Variants in KPNB1 observed in about 807,000 individuals in gnomAD.
The protein encoded by KPNB1 is karyopherin subunit beta 1.
In KPNB1, 7 loss-of-function variants were observed where a neutral mutation model predicts 113.0. That is an observed-to-expected ratio of 0.06 (90% CI 0.04 to 0.12). The LOEUF (loss-of-function observed/expected upper bound fraction) is 0.12. KPNB1 is among the 10% of genes least tolerant of loss of function. The pLI is 1.00. For synonymous variants in KPNB1, 363 were observed against 378.6 expected, an observed-to-expected ratio of 0.96 and a Z score of 0.48; for missense variants, 400 against 1,054.8, an observed-to-expected ratio of 0.38 and a Z score of 8.60.
Position 47,674,799 on chromosome 17 carries a change from G to C in KPNB1, c.1912+17G>C. 1.9e-6 allele frequency: 3 copies of C among 1,601,772 alleles called. No homozygotes were observed. Among genetic ancestry groups the C allele is most frequent in the Non-Finnish European group, 2.6e-6 (3 of 1,174,850 alleles). On this transcript the variant is annotated intron_variant, in intron 15 of 21. Transcript: ENST00000290158. ...TGGTGGAAGGTCGGTGAGAAATACT[G>C]TCTGGTCAGGGAATGTCTTTGGAAT...
At chr17:47,653,160 G>A (rs553687371) in intron 3 of KPNB1, among the ~76,000 whole-genome samples, 1 of 152,032 alleles carries the variant, frequency 6.6e-6, no homozygotes, top group African/African-American at 2.4e-5. Flanking sequence ...GCAAATGGGA[G>A]TAGTGTACAA....
chr17:47,661,786 A>G (rs1363424904), intron 6 of KPNB1, among the ~76,000 whole-genome samples: 1 of 152,096 alleles, frequency 6.6e-6, no homozygotes, highest in African/African-American at 2.4e-5. Flanking sequence ...CATCTCTACT[A>G]AAAAATATGT....
rs1555619992 is a variant in KPNB1 at position 47,683,118 on chromosome 17, A to AAAAAAC, written c.*715_*716insAAAACA. On this transcript the variant is annotated 3_prime_UTR_variant, in exon 22 of 22. Coordinates refer to ENST00000290158, the MANE Select transcript of KPNB1 (RefSeq NM_002265.6). Reference sequence around the variant, plus strand: ...AAAAAAAAAAAAAAAAAAAAAAAAAAACACACACACAGAGGAAAGACGCTC... The same window carrying AAAAAAC: ...AAAAAAAAAAAAAAAAAAAAAAAAAAAAAAACACACACACACAGAGGAAAGACGCTC... 2 of 143,214 alleles carry AAAAAAC rather than the reference A, an allele frequency of 1.4e-5. No individual in the cohort carries two copies. Among genetic ancestry groups the AAAAAAC allele is most frequent in the African/African-American group, 5.3e-5 (2 of 38,062 alleles). 8.9% of individuals were successfully genotyped at this position (143,214 alleles called of 1,614,324 possible). A position where few individuals can be genotyped will look rare whatever the true frequency, so the allele number is the denominator to read the frequency against.
chr17:47,669,639 A>G, intron 10 of KPNB1, 39 bp from the exon 11 acceptor site: 1 of 1,452,238 alleles, frequency 6.9e-7, no homozygotes, highest in Non-Finnish European at 9.6e-7. Context: ...ATGAATTTTA[A>G]TCTTTGTTTT....
chr17:47,649,999 G>A lies in KPNB1; in HGVS notation c.-246G>A. 1 of 1,352,954 alleles carries A rather than the reference G, an allele frequency of 7.4e-7. No individual in the cohort carries two copies. The highest frequency in any genetic ancestry group is 9.5e-7 in the Non-Finnish European group (1 of 1,058,190). 83.8% of individuals were successfully genotyped at this position (1,352,954 alleles called of 1,614,324 possible). Reference sequence around the variant, plus strand: ...CCTCCCGAGCACCAGCGCGCTCTGAGCTGCCCCCAGGGTCCCTCCCCCGCC... The same window carrying A: ...CCTCCCGAGCACCAGCGCGCTCTGAACTGCCCCCAGGGTCCCTCCCCCGCC... On this transcript the variant is annotated 5_prime_UTR_variant, in exon 1 of 22. Transcript: ENST00000290158.
In KPNB1 at chr17:47,683,344, A is replaced by G. The variant is rs1247789301; in HGVS notation, c.*940A>G. 2.6e-5 allele frequency: 4 copies of G among 152,272 alleles called. No homozygotes were observed. Among genetic ancestry groups the G allele is most frequent in the African/African-American group, 9.7e-5 (4 of 41,366 alleles). The allele number at this position is 152,272 out of a possible 1,614,324, so 9.4% of individuals were successfully genotyped here. On this transcript the variant is annotated 3_prime_UTR_variant, in exon 22 of 22. Transcript: ENST00000290158. ...CTCTGGCGTTAGAGGATATAGAAAA[A>G]TATAAGTACAATTGTTACAAATAAC...
At chr17:47,671,256 C>A (rs2030436370) in intron 12 of KPNB1, among the ~76,000 whole-genome samples, 1 of 151,366 alleles carries the variant, frequency 6.6e-6, no homozygotes, top group Admixed American at 6.6e-5. Context: ...GAACTCGTCT[C>A]AAAAAAAAGA....
At chr17:47,666,441 T>C (rs902666337) in intron 9 of KPNB1, among the ~76,000 whole-genome samples, 8 of 144,020 alleles carry the variant, frequency 5.6e-5, no homozygotes, top group African/African-American at 2.6e-5. Flanking sequence ...ATATATTATA[T>C]ATTTTATATA....
At chr17:47,678,958 C>T (rs1316037107) in intron 19 of KPNB1, among the ~76,000 whole-genome samples, 3 of 151,864 alleles carry the variant, frequency 2.0e-5, no homozygotes, top group African/African-American at 7.3e-5. Flanking sequence ...GTCTCACTCT[C>T]ACCCAAGCTG....
rs551976741 is a variant in KPNB1 at position 47,658,396 on chromosome 17, A to T, written c.484-112A>T. ...TGGTGCAGTACAGATGCAACCATCC[A>T]TTTTTTTTCCTCTAAATATTTTCAA... On this transcript the variant is annotated intron_variant, in intron 4 of 21. Coordinates refer to ENST00000290158, the MANE Select transcript of KPNB1 (RefSeq NM_002265.6). The T allele has an allele frequency of 7.3e-5, 87 of 1,195,714 alleles. No homozygotes were observed. The African/African-American group carries it at 1.3e-3, about 17-fold the overall frequency. The allele number at this position is 1,195,714 out of a possible 1,614,324, so 74.1% of individuals were successfully genotyped here.
intron 6 of KPNB1, among the ~76,000 whole-genome samples, chr17:47,661,959 C>T (rs1184638482): frequency 1.3e-5 from 2 of 152,138 alleles, no homozygotes; most frequent in Non-Finnish European, 2.9e-5. Flanking sequence ...ATAGGTTATT[C>T]AAGTGATTGT....
intron 10 of KPNB1, 62 bp from the exon 11 acceptor site, chr17:47,669,616 G>A (rs1297332839): frequency 8.1e-7 from 1 of 1,239,270 alleles, no homozygotes; most frequent in East Asian, 2.4e-5. Flanking sequence ...CTTTCTCTGG[G>A]GTAGTAGTTA....
chr17:47,674,390 A>G (rs1459184023), intron 14 of KPNB1, among the ~76,000 whole-genome samples: 1 of 152,226 alleles, frequency 6.6e-6, no homozygotes, highest in Non-Finnish European at 1.5e-5. Flanking sequence ...GACAAATGAA[A>G]TTGAGAGGAC....
In KPNB1 at chr17:47,675,167, G is replaced by C. The variant is rs1039973991; in HGVS notation, c.1912+385G>C. ...AGGGTCTCACTATATTGCTCAGGCTGGTCTCAAACTCCTGGGCCTCCTTGT... is the reference window on the plus strand; with the variant it reads ...AGGGTCTCACTATATTGCTCAGGCTCGTCTCAAACTCCTGGGCCTCCTTGT... On this transcript the variant is annotated intron_variant, in intron 15 of 21. Coordinates refer to ENST00000290158, the MANE Select transcript of KPNB1 (RefSeq NM_002265.6). Among the ~76,000 whole-genome samples, 71 of 151,742 alleles carry C rather than the reference G, an allele frequency of 4.7e-4. 1 individual carries two copies. The highest frequency in any genetic ancestry group is 1.6e-3 in the African/African-American group (66 of 41,302).
rs1219503937 is a variant in KPNB1 at position 47,680,742 on chromosome 17, C to T, written c.2630+73C>T. 5.7e-6 allele frequency: 8 copies of T among 1,410,660 alleles called. No homozygotes were observed. In the Middle Eastern group the frequency reaches 7.1e-4, roughly 126 times the overall value. 87.4% of individuals were successfully genotyped at this position (1,410,660 alleles called of 1,614,324 possible). A position where few individuals can be genotyped will look rare whatever the true frequency, so the allele number is the denominator to read the frequency against. ...GGGGGTATGTTTTCTTTAGGCCATT[C>T]TGGCAAGCACTGCCTTCTGGCATTT... On this transcript the variant is annotated intron_variant, in intron 21 of 21. Transcript: ENST00000290158.
chr17:47,658,542 T>C lies in KPNB1; in HGVS notation c.518T>C (p.Ile173Thr). Residue 173 changes from isoleucine (I) to threonine (T), a missense_variant, in exon 5 of 22, where the codon ATT becomes ACT. By Grantham distance (89) the Ile-to-Thr change is moderately conservative. Around this residue, in one of 2 missense-constraint regions of KPNB1, gnomAD observed 285 missense variants for 627.0 expected, o/e 0.45. Coordinates refer to ENST00000290158, the MANE Select transcript of KPNB1 (RefSeq NM_002265.6). ...CAGCTACAAGATAAATCCAATGAGA[T>C]TCTGACTGCCATAATCCAGGGGATG... ...PEQLQDKSNE[I>T]LTAIIQGMRK... 1.2e-6 allele frequency: 2 copies of C among 1,613,626 alleles called. No individual in the cohort carries two copies. Among genetic ancestry groups the C allele is most frequent in the East Asian group, 2.2e-5 (1 of 44,858 alleles).
intron 3 of KPNB1, among the ~76,000 whole-genome samples, chr17:47,656,583 G>T (rs2029916715): frequency 6.8e-6 from 1 of 147,570 alleles, no homozygotes; most frequent in South Asian, 2.1e-4. Flanking sequence ...GTGATGCCCT[G>T]TCTCAACAAA....
chr17:47,676,425 C>A lies in KPNB1; in HGVS notation c.1929C>A (p.Phe643Leu). The A allele has an allele frequency of 6.2e-7, 1 of 1,612,954 alleles. No homozygotes were observed. Among genetic ancestry groups the A allele is most frequent in the South Asian group, 1.1e-5 (1 of 91,044 alleles). The change falls in exon 16 of 22, where the codon TTC becomes TTA. Residue 643 changes from phenylalanine (F) to leucine (L), a missense_variant. Around this residue, in one of 2 missense-constraint regions of KPNB1, gnomAD observed 115 missense variants for 427.9 expected, o/e 0.27. Coordinates refer to ENST00000290158, the MANE Select transcript of KPNB1 (RefSeq NM_002265.6). The part of the protein sequence containing the change: ...STLVEVLGGE[F>L]LKYMEAFKPF... ...TCATTACAGTGTTGGGTGGTGAATTCCTCAAGTACATGGAGGCCTTTAAAC... is the reference window on the plus strand; with the variant it reads ...TCATTACAGTGTTGGGTGGTGAATTACTCAAGTACATGGAGGCCTTTAAAC...
chr17:47,651,408 C>T, intron 2 of KPNB1: 1 of 928,652 alleles, frequency 1.1e-6, no homozygotes. Flanking sequence ...TAACACTAAC[C>T]ATATGTGTTC....
Sources: gnomAD v4.1 joint callset for allele counts (sites outside exome capture counted in the v4.1 genomes callset) on GRCh38, gnomAD v4.1.1 for gene constraint, gnomAD v4.1.1 regional missense constraint, MANE v1.5 for transcripts, NCBI Gene and HGNC (gene_info 2026-07-23, HGNC 2026-07-21) for gene names.